The following AKAP9 variants were observed in gnomAD, a reference collection of about 807,000 sequenced individuals.
The protein encoded by AKAP9 is A-kinase anchoring protein 9.
In AKAP9, 311 loss-of-function variants were observed where a neutral mutation model predicts 488.5. That is an observed-to-expected ratio of 0.64 (90% CI 0.58 to 0.70). AKAP9 has a LOEUF of 0.70. Among genes scored for constraint, AKAP9 ranks in the 30% least tolerant of loss-of-function variants. The pLI, the probability that AKAP9 is intolerant of heterozygous loss-of-function variation, is 0.00. For missense variants in AKAP9, 4,215 were observed against 4,374.5 expected (o/e 0.96, Z 1.03); for synonymous variants, 1,462 against 1,483.5 (o/e 0.99, Z 0.33).
chr7:92,042,148 C>G lies in AKAP9; in HGVS notation c.5020C>G (p.Leu1674Val). The G allele has an allele frequency of 6.2e-7, 1 of 1,613,994 alleles. No individual in the cohort carries two copies. The highest frequency in any genetic ancestry group is 8.5e-7 in the Non-Finnish European group (1 of 1,179,916). ...GCTGTCTTTAGCTGGAAGAGAGAAGCTGTGTTGTGAGCTGCGCAACAGCAG... is the reference window on the plus strand; with the variant it reads ...GCTGTCTTTAGCTGGAAGAGAGAAGGTGTGTTGTGAGCTGCGCAACAGCAG... The part of the protein sequence containing the change: ...KQLSLAGREK[L>V]CCELRNSSTQ... The change falls in exon 19 of 50, where the codon CTG (leucine) becomes GTG (valine). Residue 1674 changes from leucine to valine, a missense_variant. Around this residue, in one of 5 missense-constraint regions of AKAP9, gnomAD observed 2,361 missense variants for 2,430.0 expected, o/e 0.97. Coordinates refer to ENST00000356239, the MANE Select transcript of AKAP9 (RefSeq NM_005751.5).
In AKAP9 at chr7:92,017,022, C is replaced by G. The variant is rs1801604245; in HGVS notation, c.3757C>G (p.Gln1253Glu). 6.4e-7 allele frequency: 1 copy of G among 1,573,654 alleles called. No homozygotes were observed. Reference sequence around the variant, plus strand: ...ATTGTTTGTTTACCATCCAGACTTTCAAGAAAATATGCACACTCTTCTCAA... The same window carrying G: ...ATTGTTTGTTTACCATCCAGACTTTGAAGAAAATATGCACACTCTTCTCAA... ...QDYRYEVQDF[Q>E]ENMHTLLNKV... Residue 1253 changes from glutamine (Q) to glutamate (E), a missense_variant, in exon 12 of 50, where the codon CAA (glutamine) becomes GAA (glutamate). Gln to Glu is a conservative substitution (Grantham distance 29, BLOSUM62 2). This residue lies in a region of AKAP9 where 2,361 missense variants were observed against 2,430.0 expected (regional missense o/e 0.97). Transcript: ENST00000356239.
At chr7:92,089,713 A>T (rs1815220986) in intron 38 of AKAP9, 184 bp downstream of exon 38, 1 of 643,658 alleles carries the variant, frequency 1.6e-6, no homozygotes, top group Non-Finnish European at 2.6e-6. Flanking sequence ...TAATTGGTTT[A>T]AACAGCTACG....
intron 1 of AKAP9, among the ~76,000 whole-genome samples, chr7:91,958,004 G>A (rs1319875263): frequency 6.6e-6 from 1 of 152,126 alleles, no homozygotes. Context: ...CAGTCCTTGG[G>A]GAGTAGTGAC....
At chr7:91,991,574 C>T (rs999051365) in intron 3 of AKAP9, among the ~76,000 whole-genome samples, 1 of 151,844 alleles carries the variant, frequency 6.6e-6, no homozygotes, top group Non-Finnish European at 1.5e-5. Flanking sequence ...TGGGTTCACG[C>T]CATTCTCCTG....
At position 92,038,575 on chromosome 7, in the gene AKAP9, G is replaced by A; in HGVS notation, c.4495G>A (p.Gly1499Ser). 1 of 1,613,800 alleles carries A rather than the reference G, an allele frequency of 6.2e-7. No individual in the cohort carries two copies. The highest frequency in any genetic ancestry group is 8.5e-7 in the Non-Finnish European group (1 of 1,179,886). ...NEMKLSQDQI[G>S]FQTFETVDVK... Reference sequence around the variant, plus strand: ...AATGAAATTATCACAGGATCAAATTGGTTTTCAGACTTTTGAGACAGTGGA... The same window carrying A: ...AATGAAATTATCACAGGATCAAATTAGTTTTCAGACTTTTGAGACAGTGGA... Residue 1499 changes from glycine (G) to serine (S), a missense_variant, in exon 17 of 50, where the codon GGT becomes AGT. This residue lies in a region of AKAP9 where 2,361 missense variants were observed against 2,430.0 expected (regional missense o/e 0.97). Transcript: ENST00000356239.
At chr7:91,975,776 G>C (rs1206319659) in intron 2 of AKAP9, among the ~76,000 whole-genome samples, 1 of 151,578 alleles carries the variant, frequency 6.6e-6, no homozygotes, top group African/African-American at 2.4e-5. Flanking sequence ...GTTTTGTTTT[G>C]TTTTGTTTTT....
chr7:92,102,947 C>T (rs1056627911), intron 46 of AKAP9, 121 bp downstream of exon 46: 1 of 901,222 alleles, frequency 1.1e-6, no homozygotes, highest in Non-Finnish European at 1.7e-6. Context: ...AGGTATGTGC[C>T]ATCACTGAAG....
At chr7:91,982,190 T>G (rs1796515658) in intron 3 of AKAP9, among the ~76,000 whole-genome samples, 1 of 150,218 alleles carries the variant, frequency 6.7e-6, no homozygotes, top group South Asian at 2.1e-4. Flanking sequence ...TATGTATGTA[T>G]GTATGTATGT....
intron 43 of AKAP9, among the ~76,000 whole-genome samples, chr7:92,098,856 T>G (rs1448861034): frequency 6.6e-6 from 1 of 152,220 alleles, no homozygotes; most frequent in Non-Finnish European, 1.5e-5. Flanking sequence ...TGAACAAATC[T>G]GACTAAAACC....
At chr7:91,977,448 C>G (rs550248778) in intron 2 of AKAP9, among the ~76,000 whole-genome samples, 1 of 152,016 alleles carries the variant, frequency 6.6e-6, no homozygotes, top group Non-Finnish European at 1.5e-5. Flanking sequence ...CCCAGCTACT[C>G]GGGAGGCTGA....
chr7:91,970,153 A>G (rs1029233032), intron 1 of AKAP9, among the ~76,000 whole-genome samples: 20 of 152,136 alleles, frequency 1.3e-4, no homozygotes, highest in Non-Finnish European at 2.8e-4. Flanking sequence ...TGATATGACA[A>G]CTTACTTTAG....
chr7:91,981,061 A>G (rs1796351690), intron 3 of AKAP9, among the ~76,000 whole-genome samples: 1 of 152,230 alleles, frequency 6.6e-6, no homozygotes, highest in South Asian at 2.1e-4. Flanking sequence ...AAAAACTGCT[A>G]CTTTAGAAGT....
intron 3 of AKAP9, among the ~76,000 whole-genome samples, chr7:91,983,603 T>C (rs2130602385): frequency 6.6e-6 from 1 of 152,340 alleles, no homozygotes; most frequent in African/African-American, 2.4e-5. Context: ...TATTTCTAGT[T>C]CTAGATCCTT....
At chr7:92,076,770 G>A in intron 28 of AKAP9, 85 bp from the exon 29 acceptor site, 1 of 812,376 alleles carries the variant, frequency 1.2e-6, no homozygotes, top group Non-Finnish European at 1.9e-6. Context: ...TGCATACTTT[G>A]TAAAGCTAAT....
chr7:92,088,046 C>T (rs1814906064), intron 37 of AKAP9, among the ~76,000 whole-genome samples: 1 of 152,008 alleles, frequency 6.6e-6, no homozygotes, highest in Admixed American at 6.6e-5. Context: ...GATGCTAAAA[C>T]TAGTGTGAAA....
At chr7:91,957,667 T>A (rs1793194577) in intron 1 of AKAP9, among the ~76,000 whole-genome samples, 1 of 152,164 alleles carries the variant, frequency 6.6e-6, no homozygotes, top group African/African-American at 2.4e-5. Flanking sequence ...ATCCTCTGAG[T>A]CTTATCTATG....
rs749688986 is a variant in AKAP9 at position 92,012,973 on chromosome 7, ATTTTTTTTTTTTTTTTTTTTT to A, written c.3532+347_3532+367del. ...GGTGGTAGACAGTGGTGGGGTTGGAATTTTTTTTTTTTTTTTTTTTTTTTTTTTTTTTTTTTGAGACGGAGT... is the reference window on the plus strand; with the variant it reads ...GGTGGTAGACAGTGGTGGGGTTGGAATTTTTTTTTTTTTTTGAGACGGAGT... On this transcript the variant is annotated intron_variant, in intron 9 of 49. Coordinates refer to ENST00000356239, the MANE Select transcript of AKAP9 (RefSeq NM_005751.5). Among the ~76,000 whole-genome samples, 411 of 60,780 alleles carry A rather than the reference ATTTTTTTTTTTTTTTTTTTTT, an allele frequency of 6.8e-3. 1 individual carries two copies. The highest frequency in any genetic ancestry group is 0.019 in the African/African-American group (252 of 13,058). The allele number at this position is 60,780 out of a possible 152,430, so 39.9% of individuals were successfully genotyped here.
intron 8 of AKAP9, among the ~76,000 whole-genome samples, chr7:92,005,507 A>C (rs1460513712): frequency 6.6e-6 from 1 of 152,198 alleles, no homozygotes. Context: ...TTTGGAAGCC[A>C]TTGGAAAGTT....
intron 7 of AKAP9, among the ~76,000 whole-genome samples, 163 bp from the exon 8 acceptor site, chr7:92,000,685 G>T (rs912088304): frequency 6.6e-6 from 1 of 152,094 alleles, no homozygotes; most frequent in Non-Finnish European, 1.5e-5. Context: ...CGAGTTCTAA[G>T]TGTCATTATT....
Sources: allele counts gnomAD v4.1 joint callset (sites outside exome capture counted in the v4.1 genomes callset), GRCh38; gene constraint gnomAD v4.1.1; regional missense constraint gnomAD v4.1.1; transcripts MANE v1.5; gene names NCBI Gene and HGNC (gene_info 2026-07-23, HGNC 2026-07-21).